The following GRM7 variants were observed in gnomAD, a reference collection of about 807,000 sequenced individuals.
GRM7 encodes glutamate metabotropic receptor 7.
In GRM7, 35 loss-of-function variants were observed where a neutral mutation model predicts 84.5. The observed-to-expected ratio is 0.41, with a 90% CI of 0.32 to 0.55. GRM7 has a LOEUF of 0.55. Ranked by LOEUF, GRM7 falls within the 20% of genes least tolerant of loss-of-function variation. The pLI, the probability that GRM7 is intolerant of heterozygous loss-of-function variation, is 0.19. For synonymous variants in GRM7, 487 were observed against 455.1 expected (o/e 1.07, Z -0.89); for missense variants, 1,003 against 1,194.6 (o/e 0.84, Z 2.36).
chr3:7,167,191 T>C (rs1320446228), intron 2 of GRM7, among the ~76,000 whole-genome samples: 2 of 152,228 alleles, frequency 1.3e-5, no homozygotes, highest in Non-Finnish European at 2.9e-5. Context: ...GCTTCTCTTG[T>C]TTTTATTATC....
chr3:7,419,209 A>G (rs1016166272), intron 5 of GRM7, among the ~76,000 whole-genome samples: 1 of 152,158 alleles, frequency 6.6e-6, no homozygotes, highest in Non-Finnish European at 1.5e-5. Flanking sequence ...ATTGAGTATC[A>G]AAGAGTTTGC....
intron 1 of GRM7, among the ~76,000 whole-genome samples, chr3:7,074,128 A>G (rs1377862416): frequency 6.6e-6 from 1 of 152,200 alleles, no homozygotes; most frequent in African/African-American, 2.4e-5. Flanking sequence ...AAATATCTAA[A>G]TATTTTTCAT....
intron 2 of GRM7, among the ~76,000 whole-genome samples, chr3:7,160,170 A>G (rs1559476989): frequency 6.6e-6 from 1 of 152,114 alleles, no homozygotes; most frequent in African/African-American, 2.4e-5. Context: ...CTCAAAGTTA[A>G]AAACCCACTG....
rs1463235321 is a variant in GRM7 at position 7,276,203 on chromosome 3, ATATATGTGTGTGTGTGTGTG to A, written c.737-22479_737-22460del. Among the ~76,000 whole-genome samples, 22 of 124,762 alleles carry A rather than the reference ATATATGTGTGTGTGTGTGTG, an allele frequency of 1.8e-4. 1 individual carries two copies. In the South Asian group the frequency reaches 1.9e-3, roughly 11 times the overall value. 81.8% of individuals were successfully genotyped at this position (124,762 alleles called of 152,430 possible). On this transcript the variant is annotated intron_variant, in intron 2 of 9. Transcript: ENST00000357716. ...ATTATTTTTTAAATTATATATATAT[ATATATGTGTGTGTGTGTGTG>A]TGTGTGTGTGTGTGTGTGTGTGTGT...
chr3:7,311,714 C>T (rs1334562378), intron 4 of GRM7, among the ~76,000 whole-genome samples: 2 of 152,048 alleles, frequency 1.3e-5, no homozygotes, highest in Non-Finnish European at 1.5e-5. Context: ...CTGCCTCAGC[C>T]TCCCTGAGTA....
intron 7 of GRM7, among the ~76,000 whole-genome samples, chr3:7,508,278 A>G (rs1487694103): frequency 6.6e-6 from 1 of 152,184 alleles, no homozygotes; most frequent in East Asian, 1.9e-4. Context: ...GAAAAAATAG[A>G]AAATAAAGAT....
chr3:7,173,621 C>T (rs1377248998), intron 2 of GRM7, among the ~76,000 whole-genome samples: 2 of 152,158 alleles, frequency 1.3e-5, no homozygotes, highest in Non-Finnish European at 2.9e-5. Flanking sequence ...CTGTTCTTTG[C>T]TGTTCCTCAA....
intron 1 of GRM7, among the ~76,000 whole-genome samples, chr3:6,983,332 A>G (rs998146073): frequency 6.6e-6 from 1 of 152,198 alleles, no homozygotes; most frequent in Non-Finnish European, 1.5e-5. Context: ...AAGAAAAATT[A>G]GGCCTGATAT....
chr3:6,865,566 C>A (rs901381305), intron 1 of GRM7, among the ~76,000 whole-genome samples: 1 of 150,208 alleles, frequency 6.7e-6, no homozygotes, highest in Non-Finnish European at 1.5e-5. Context: ...TTTTTTTCCT[C>A]CCAAAGCAAG....
At chr3:7,602,701 T>C (rs569354722) in intron 8 of GRM7, among the ~76,000 whole-genome samples, 7 of 152,306 alleles carry the variant, frequency 4.6e-5, no homozygotes, top group African/African-American at 1.7e-4. Flanking sequence ...TGTTTCATAA[T>C]AAAGAAAGTT....
At chr3:7,237,083 G>C (rs1447348594) in intron 2 of GRM7, among the ~76,000 whole-genome samples, 3 of 152,148 alleles carry the variant, frequency 2.0e-5, no homozygotes, top group Non-Finnish European at 4.4e-5. Flanking sequence ...GTGAATTTCA[G>C]GGGGAATTTC....
intron 5 of GRM7, among the ~76,000 whole-genome samples, chr3:7,449,437 C>A (rs1559330402): frequency 1.3e-5 from 2 of 151,980 alleles, no homozygotes; most frequent in African/African-American, 4.8e-5. Context: ...AAATGGACCA[C>A]CAAGTTGCTA....
At chr3:7,225,486 T>G (rs1294078777) in intron 2 of GRM7, among the ~76,000 whole-genome samples, 2 of 147,646 alleles carry the variant, frequency 1.4e-5, no homozygotes, top group African/African-American at 4.9e-5. Context: ...AATGTAAATA[T>G]AAATAATTTC....
At chr3:7,313,218 T>C (rs2125044090) in intron 4 of GRM7, among the ~76,000 whole-genome samples, 1 of 152,268 alleles carries the variant, frequency 6.6e-6, no homozygotes, top group South Asian at 2.1e-4. Context: ...CGTGACCCAC[T>C]GCGCCCAGCC....
At chr3:7,346,956 A>G (rs1168879361) in intron 4 of GRM7, among the ~76,000 whole-genome samples, 2 of 152,158 alleles carry the variant, frequency 1.3e-5, no homozygotes, top group Non-Finnish European at 2.9e-5. Context: ...ATCGTGTGCT[A>G]TACCTACACT....
chr3:7,523,211 A>G (rs1344403698), intron 7 of GRM7, among the ~76,000 whole-genome samples: 1 of 152,142 alleles, frequency 6.6e-6, no homozygotes, highest in Non-Finnish European at 1.5e-5. Flanking sequence ...ACTCCATGAT[A>G]AGGTACTATC....
chr3:7,035,164 T>C lies in GRM7; in HGVS notation c.520-111288T>C, dbSNP rs146588099. ...GTGGTAGGAAAGGGAGGGCTGCTTGTCAAATAATTTGACAAAATATTCTCT... is the reference window on the plus strand; with the variant it reads ...GTGGTAGGAAAGGGAGGGCTGCTTGCCAAATAATTTGACAAAATATTCTCT... On this transcript the variant is annotated intron_variant, in intron 1 of 9. Coordinates refer to ENST00000357716, the MANE Select transcript of GRM7 (RefSeq NM_000844.4). Among the ~76,000 whole-genome samples the C allele has an allele frequency of 3.5e-4, 54 of 152,212 alleles. No individual in the cohort carries two copies. In the East Asian group the frequency reaches 8.5e-3, roughly 24 times the overall value.
Position 7,449,790 on chromosome 3 carries a change from C to T in GRM7, c.1175-2817C>T, listed in dbSNP as rs9828062. Reference sequence around the variant, plus strand: ...AGATAAAATTTTGATTCATTTCTCACATTGCATAACAAAATACGTTCCAAG... The same window carrying T: ...AGATAAAATTTTGATTCATTTCTCATATTGCATAACAAAATACGTTCCAAG... On this transcript the variant is annotated intron_variant, in intron 5 of 9. Transcript: ENST00000357716. Among the ~76,000 whole-genome samples, 866 of 152,204 alleles carry T rather than the reference C, an allele frequency of 5.7e-3. 5 individuals carry two copies. Among genetic ancestry groups the T allele is most frequent in the African/African-American group, 0.018 (753 of 41,538 alleles).
chr3:7,529,062 T>C (rs996964741), intron 7 of GRM7, among the ~76,000 whole-genome samples: 1 of 152,112 alleles, frequency 6.6e-6, no homozygotes, highest in Non-Finnish European at 1.5e-5. Flanking sequence ...AGAACTTTTT[T>C]GTTAGTTTTC....
Sources: gnomAD v4.1 joint callset for allele counts (sites outside exome capture counted in the v4.1 genomes callset) on GRCh38, gnomAD v4.1.1 for gene constraint, MANE v1.5 for transcripts, NCBI Gene and HGNC (gene_info 2026-07-23, HGNC 2026-07-21) for gene names.